RAB36: variants seen among roughly 807,000 people sequenced by gnomAD.
RAB36 encodes the protein ras-related protein Rab-36.
A neutral mutation model predicts 39.3 loss-of-function variants in RAB36; 33 were observed. That is an observed-to-expected ratio of 0.84 (90% CI 0.64 to 1.12). RAB36 has a LOEUF of 1.12. Among genes scored for constraint, RAB36 ranks in the 50% most tolerant of loss-of-function variants. The probability of loss-of-function intolerance (pLI) is 0.00; values close to 1 mark genes in which losing one functional copy is unlikely to be tolerated. For missense variants in RAB36, 308 were observed against 355.3 expected (o/e 0.87, Z 1.07); for synonymous variants, 133 against 140.2 (o/e 0.95, Z 0.36).
rs1298485416 is a variant in RAB36, at chr22:23,163,967, G to C, written c.*2403G>C. Reference sequence around the variant, plus strand: ...TCCCCATCCGCGGGCCATCCGGCTTGTGTCCAGCTTTTAGCTCTTGCCAAT... The same window carrying C: ...TCCCCATCCGCGGGCCATCCGGCTTCTGTCCAGCTTTTAGCTCTTGCCAAT... On this transcript the variant is annotated 3_prime_UTR_variant, in exon 11 of 11. Coordinates refer to ENST00000263116, the MANE Select transcript of RAB36 (RefSeq NM_004914.5). The C allele has an allele frequency of 6.6e-6, 1 of 152,292 alleles. No individual in the cohort carries two copies. The highest frequency in any genetic ancestry group is 2.4e-5 in the African/African-American group (1 of 41,466). The allele number at this position is 152,292 out of a possible 1,614,324, so 9.4% of individuals were successfully genotyped here.
chr22:23,161,745 C>CCTTTTCT lies in RAB36; in HGVS notation c.*181_*182insCTTTTCT, dbSNP rs1315882824. 1.7e-6 allele frequency: 1 copy of CCTTTTCT among 592,274 alleles called. No individual in the cohort carries two copies. Among genetic ancestry groups the CCTTTTCT allele is most frequent in the Non-Finnish European group, 3.0e-6 (1 of 338,228 alleles). 36.7% of individuals were successfully genotyped at this position (592,274 alleles called of 1,614,324 possible). A position where few individuals can be genotyped will look rare whatever the true frequency, so the allele number is the denominator to read the frequency against. ...CCAGGGCACAGTCACTTGTCCGTTG[C>CCTTTTCT]AGGTTGGGCACTAGAAAAGGCCCCC... On this transcript the variant is annotated 3_prime_UTR_variant, in exon 11 of 11. Coordinates refer to ENST00000263116, the MANE Select transcript of RAB36 (RefSeq NM_004914.5).
intron 5 of RAB36, among the ~76,000 whole-genome samples, chr22:23,155,487 T>C (rs5751592): frequency 0.8 from 121,122 of 152,150 alleles, 48,490 homozygotes; most frequent in East Asian, 0.99. Flanking sequence ...TATCTCCAAC[T>C]CCTACTTTGG....
In RAB36 at chr22:23,157,981, C is replaced by T. The variant is rs777934059; in HGVS notation, c.395-11C>T. 47 of 1,614,044 alleles carry T rather than the reference C, an allele frequency of 2.9e-5. No individual in the cohort carries two copies. The highest frequency in any genetic ancestry group is 2.4e-4 in the African/African-American group (18 of 74,934). On this transcript the variant is annotated splice_polypyrimidine_tract_variant and intron_variant, in intron 6 of 10. Transcript: ENST00000263116. ...GCACTGATTGGCTGTTGGCTTTTTC[C>T]GGGTGTCTAGTGATCATCACGGCCT...
intron 2 of RAB36, among the ~76,000 whole-genome samples, chr22:23,149,801 C>T (rs1234467879): frequency 1.3e-5 from 2 of 152,232 alleles, no homozygotes; most frequent in East Asian, 1.9e-4. Context: ...ATGCATGCAG[C>T]AAGGGAACTG....
downstream of RAB36, among the ~76,000 whole-genome samples, chr22:23,168,278 A>T (rs1263403111): frequency 1.3e-5 from 2 of 152,194 alleles, no homozygotes; most frequent in Admixed American, 6.5e-5. Flanking sequence ...CAGCTCTTGA[A>T]GTCCTGGGCC....
At position 23,153,056 on chromosome 22, in the gene RAB36, G is replaced by A. The variant is rs748932299; in HGVS notation, c.251G>A (p.Arg84Gln). 8.1e-6 allele frequency: 13 copies of A among 1,613,908 alleles called. No individual in the cohort carries two copies. The highest frequency in any genetic ancestry group is 2.2e-5 in the East Asian group (1 of 44,896). ...IHRFCKNVFD[R>Q]DYKATIGVDF... Reference sequence around the variant, plus strand: ...AGGTTTTGCAAGAATGTTTTTGATCGAGACTACAAGGCCACCATTGGGGTG... The same window carrying A: ...AGGTTTTGCAAGAATGTTTTTGATCAAGACTACAAGGCCACCATTGGGGTG... The change falls in exon 5 of 11, where the codon CGA becomes CAA. Residue 84 changes from arginine (R) to glutamine (Q), a missense_variant. Arg to Gln is a conservative substitution (Grantham distance 43). Transcript: ENST00000263116.
chr22:23,145,622 G>A (rs1357155188), intron 1 of RAB36, 71 bp downstream of exon 1: 1 of 1,473,114 alleles, frequency 6.8e-7, no homozygotes, highest in East Asian at 2.4e-5. Flanking sequence ...CCCGAGGCCA[G>A]GGCCGCGAGG....
intron 5 of RAB36, among the ~76,000 whole-genome samples, chr22:23,153,933 C>T (rs2071309940): frequency 1.3e-5 from 2 of 152,126 alleles, no homozygotes; most frequent in African/African-American, 4.8e-5. Context: ...AAGTGCTCCA[C>T]CCGCTTCAGC....
downstream of RAB36, among the ~76,000 whole-genome samples, chr22:23,167,068 A>G (rs570904999): frequency 6.6e-6 from 1 of 151,994 alleles, no homozygotes; most frequent in South Asian, 2.1e-4. Flanking sequence ...GATGGGACAC[A>G]CCTGAGCACC....
chr22:23,167,711 AT>A (rs528853125), downstream of RAB36, among the ~76,000 whole-genome samples: 240 of 145,736 alleles, frequency 1.6e-3, 2 homozygotes, highest in Middle Eastern at 0.024. Flanking sequence ...TAATTAATTT[AT>A]TTTTTTTTTT....
At chr22:23,145,581 C>G in intron 1 of RAB36, 30 bp downstream of exon 1, 1 of 1,583,502 alleles carries the variant, frequency 6.3e-7, no homozygotes, top group Non-Finnish European at 8.6e-7. Flanking sequence ...CTGTCCGACC[C>G]TCCCGGTCAC....
downstream of RAB36, among the ~76,000 whole-genome samples, chr22:23,167,127 C>G (rs67965558): frequency 0.12 from 17,626 of 152,094 alleles, 1,183 homozygotes; most frequent in South Asian, 0.16. Context: ...GCTGCCAACC[C>G]CACTTGGAGT....
chr22:23,154,117 A>C (rs1421032199), intron 5 of RAB36, among the ~76,000 whole-genome samples: 6 of 142,552 alleles, frequency 4.2e-5, no homozygotes, highest in South Asian at 2.2e-4. Flanking sequence ...ACCCTCTCCC[A>C]CCCCAGCTGG....
chr22:23,161,986 GAT>G lies in RAB36; in HGVS notation c.*423_*424del, dbSNP rs1247679510. The G allele has an allele frequency of 5.6e-6, 1 of 177,902 alleles. No individual in the cohort carries two copies. The highest frequency in any genetic ancestry group is 1.2e-5 in the Non-Finnish European group (1 of 83,924). 11.0% of individuals were successfully genotyped at this position (177,902 alleles called of 1,614,324 possible). A position where few individuals can be genotyped will look rare whatever the true frequency, so the allele number is the denominator to read the frequency against. On this transcript the variant is annotated 3_prime_UTR_variant, in exon 11 of 11. Transcript: ENST00000263116. ...CCAGCGATCTTGGATGTGTCCCCAG[GAT>G]CCGTCACAGTGTTCCAGGCAACCTG...
intron 5 of RAB36, 76 bp downstream of exon 5, chr22:23,153,210 A>G: frequency 9.0e-7 from 1 of 1,112,058 alleles, no homozygotes; most frequent in Admixed American, 1.7e-5. Context: ...GAGCTCCTTC[A>G]CTGTGTCCAT....
rs2071934258 is a variant in RAB36, at chr22:23,163,606, G to GCCCACCCCCC, written c.*2045_*2046insACCCCCCCCC. On this transcript the variant is annotated 3_prime_UTR_variant, in exon 11 of 11. Coordinates refer to ENST00000263116, the MANE Select transcript of RAB36 (RefSeq NM_004914.5). ...AAAGCATATAAAATACAAGGTGAAA[G>GCCCACCCCCC]CCCCCCCCCCGCCACATTAGCTGCG... 1 of 125,232 alleles carries GCCCACCCCCC rather than the reference G, an allele frequency of 8.0e-6. No homozygotes were observed. The highest frequency in any genetic ancestry group is 2.7e-5 in the African/African-American group (1 of 36,394). 7.8% of individuals were successfully genotyped at this position (125,232 alleles called of 1,614,324 possible).
At chr22:23,159,088 A>G (rs990352377) in intron 8 of RAB36, 75 bp from the exon 9 acceptor site, 4 of 1,587,420 alleles carry the variant, frequency 2.5e-6, no homozygotes, top group Admixed American at 1.7e-5. Context: ...AGTGGGAAGC[A>G]GGCAGCTGCC....
chr22:23,159,345 C>A, intron 9 of RAB36, 92 bp downstream of exon 9: 1 of 1,259,486 alleles, frequency 7.9e-7, no homozygotes, highest in Non-Finnish European at 1.1e-6. Context: ...CCCTCTGTAG[C>A]CAGTCGTCTG....
chr22:23,166,408 G>T (rs2072053215), downstream of RAB36, among the ~76,000 whole-genome samples: 1 of 151,664 alleles, frequency 6.6e-6, no homozygotes, highest in Non-Finnish European at 1.5e-5. Context: ...GTAAGATGAA[G>T]GGCTGTGTCC....
Sources: allele counts gnomAD v4.1 joint callset (sites outside exome capture counted in the v4.1 genomes callset), GRCh38; gene constraint gnomAD v4.1.1; transcripts MANE v1.5; gene names NCBI Gene and HGNC (gene_info 2026-07-23, HGNC 2026-07-21).